Variants in ITGB1 observed in about 807,000 individuals in gnomAD.
The protein encoded by ITGB1 is integrin beta-1.
ITGB1 carries 24 observed loss-of-function variants against 86.5 expected under a neutral mutation model. That is an observed-to-expected ratio of 0.28 (90% CI 0.20 to 0.39). The LOEUF is 0.39. Ranked by LOEUF, ITGB1 falls within the 10% of genes least tolerant of loss-of-function variation. The probability of loss-of-function intolerance (pLI) is 1.00; values close to 1 mark genes in which losing one functional copy is unlikely to be tolerated. For missense variants in ITGB1, 556 were observed against 946.9 expected, an observed-to-expected ratio of 0.59 and a Z score of 5.42; for synonymous variants, 323 against 316.8, an observed-to-expected ratio of 1.02 and a Z score of -0.21.
intron 15 of ITGB1, chr10:32,907,229 T>G (rs2094899250): frequency 2.3e-6 from 1 of 428,418 alleles, no homozygotes; most frequent in Admixed American, 3.8e-5. Context: ...TGTCTTTTTT[T>G]TTATTTCTAC....
intron 3 of ITGB1, among the ~76,000 whole-genome samples, chr10:32,931,647 C>G (rs949538828): frequency 6.6e-6 from 1 of 152,002 alleles, no homozygotes; most frequent in Non-Finnish European, 1.5e-5. Flanking sequence ...AACAACAAAA[C>G]CTCTCATTTT....
At chr10:32,932,486 A>T in intron 3 of ITGB1, 29 bp downstream of exon 3, 1 of 1,313,124 alleles carries the variant, frequency 7.6e-7, no homozygotes, top group South Asian at 1.2e-5. Context: ...CAGAGAACAA[A>T]TGGAAAGGAC....
chr10:32,951,751 G>A (rs563556650), intron 1 of ITGB1: 42 of 152,152 alleles, frequency 2.8e-4, no homozygotes, highest in African/African-American at 9.4e-4. Flanking sequence ...GGACTTTTTT[G>A]CCTTTCCCTG....
intron 15 of ITGB1, among the ~76,000 whole-genome samples, chr10:32,902,965 T>A (rs1233449632): frequency 6.6e-6 from 1 of 151,948 alleles, no homozygotes; most frequent in Non-Finnish European, 1.5e-5. Flanking sequence ...ACTAGAAAAA[T>A]TATTGGTTGG....
intron 7 of ITGB1, among the ~76,000 whole-genome samples, chr10:32,923,349 G>A (rs1005493055): frequency 6.6e-6 from 1 of 152,136 alleles, no homozygotes; most frequent in South Asian, 2.1e-4. Flanking sequence ...TGGCATCTGG[G>A]CATCCCTTTC....
chr10:32,908,775 A>G (rs7897330), intron 14 of ITGB1, among the ~76,000 whole-genome samples: 6,568 of 152,258 alleles, frequency 0.043, 487 homozygotes, highest in African/African-American at 0.15. Flanking sequence ...GTTTTTAAAC[A>G]GTAATATTTA....
intron 11 of ITGB1, among the ~76,000 whole-genome samples, chr10:32,915,428 TAAA>T (rs2094928434): frequency 6.6e-6 from 1 of 151,584 alleles, no homozygotes; most frequent in South Asian, 2.1e-4. Flanking sequence ...GCAAGACTAA[TAAA>T]GAAGAAAAGA....
chr10:32,932,778 T>A (rs982821062), intron 2 of ITGB1, 178 bp from the exon 3 acceptor site: 1 of 501,934 alleles, frequency 2.0e-6, no homozygotes, highest in Admixed American at 3.3e-5. Context: ...AATTTTTAAT[T>A]TTTGTGGGTA....
At chr10:32,947,360 T>C (rs771535561) in intron 1 of ITGB1, among the ~76,000 whole-genome samples, 22 of 151,232 alleles carry the variant, frequency 1.5e-4, no homozygotes, top group Non-Finnish European at 1.9e-4. Context: ...CTGCATGAAC[T>C]CTTGAAGCCC....
chr10:32,921,533 G>C (rs1158299679), intron 9 of ITGB1, among the ~76,000 whole-genome samples: 1 of 152,114 alleles, frequency 6.6e-6, no homozygotes, highest in Non-Finnish European at 1.5e-5. Flanking sequence ...GGGGATGGGG[G>C]CTGAAAGTGG....
At chr10:32,953,372 A>T (rs1016021182) in intron 1 of ITGB1, among the ~76,000 whole-genome samples, 12 of 152,190 alleles carry the variant, frequency 7.9e-5, no homozygotes, top group African/African-American at 2.7e-4. Context: ...ATTCATGTCC[A>T]CTGAGTAAAG....
chr10:32,909,785 TA>T (rs900118412), intron 14 of ITGB1, among the ~76,000 whole-genome samples: 90 of 143,198 alleles, frequency 6.3e-4, no homozygotes, highest in African/African-American at 9.1e-4. Flanking sequence ...AAACTAAGAT[TA>T]AAAAAAAAAA....
chr10:32,912,208 G>A (rs2094915614), intron 11 of ITGB1, 84 bp from the exon 12 acceptor site: 1 of 1,048,218 alleles, frequency 9.5e-7, no homozygotes, highest in Non-Finnish European at 1.4e-6. Context: ...AACAGCTCTA[G>A]TCTACAGCTC....
intron 14 of ITGB1, 38 bp from the exon 15 acceptor site, chr10:32,908,572 G>T (rs1325879860): frequency 6.4e-7 from 1 of 1,572,886 alleles, no homozygotes; most frequent in South Asian, 1.1e-5. Flanking sequence ...ACCACAAAGA[G>T]CTGTGCAGTG....
chr10:32,944,519 A>G (rs1177275323), intron 1 of ITGB1: 1 of 420,414 alleles, frequency 2.4e-6, no homozygotes, highest in Non-Finnish European at 4.6e-6. Flanking sequence ...CAGGATCAAC[A>G]TGCTGCGGGG....
At chr10:32,936,644 C>T (rs2095002955) in intron 1 of ITGB1, among the ~76,000 whole-genome samples, 1 of 152,014 alleles carries the variant, frequency 6.6e-6, no homozygotes, top group African/African-American at 2.4e-5. Context: ...AATTTCCTAC[C>T]ATTAGGTACA....
At chr10:32,957,145 T>C (rs777916962) in intron 1 of ITGB1, among the ~76,000 whole-genome samples, 8 of 152,222 alleles carry the variant, frequency 5.3e-5, no homozygotes, top group Non-Finnish European at 1.0e-4. Context: ...CTGTCATTAT[T>C]ATAAAAATGA....
chr10:32,925,942 G>C lies in ITGB1; in HGVS notation c.715C>G (p.Gln239Glu). The C allele has an allele frequency of 6.2e-7, 1 of 1,614,092 alleles. No homozygotes were observed. Among genetic ancestry groups the C allele is most frequent in the South Asian group, 1.1e-5 (1 of 91,076 alleles). The change falls in exon 6 of 16, where the codon CAG becomes GAG. Residue 239 changes from glutamine to glutamate, a missense_variant. Gln to Glu is a conservative substitution (Grantham distance 29). This residue lies in a region of ITGB1 where 183 missense variants were observed against 263.9 expected (regional missense o/e 0.69). Coordinates refer to ENST00000302278, the MANE Select transcript of ITGB1 (RefSeq NM_002211.4). The part of the protein sequence containing the change: ...GEVFNELVGK[Q>E]RISGNLDSPE... ...GAATCCAAATTTCCAGATATGCGCT[G>C]TTTTCCAACAAGTTCATTAAATACT... is the stretch of plus-strand genomic sequence containing the variant.
chr10:32,950,959 C>T (rs1212241602), intron 1 of ITGB1, among the ~76,000 whole-genome samples: 5 of 152,132 alleles, frequency 3.3e-5, no homozygotes, highest in Non-Finnish European at 7.4e-5. Context: ...TTTTTATCAC[C>T]ACCCAATCTA....
Sources: allele counts gnomAD v4.1 joint callset (sites outside exome capture counted in the v4.1 genomes callset), GRCh38; gene constraint gnomAD v4.1.1; regional missense constraint gnomAD v4.1.1; transcripts MANE v1.5; gene names NCBI Gene and HGNC (gene_info 2026-07-23, HGNC 2026-07-21).